OSBPL8: variants seen among roughly 807,000 people sequenced by gnomAD.
The protein encoded by OSBPL8 is oxysterol-binding protein-related protein 8.
A neutral mutation model predicts 125.5 loss-of-function variants in OSBPL8; 59 were observed. That is an observed-to-expected ratio of 0.47 (90% CI 0.38 to 0.58). The LOEUF is 0.58. Among genes scored for constraint, OSBPL8 ranks in the 20% least tolerant of loss-of-function variants. OSBPL8 has a pLI of 0.00. For missense variants in OSBPL8, 758 were observed against 1,047.8 expected (o/e 0.72, Z 3.82); for synonymous variants, 330 against 338.9 (o/e 0.97, Z 0.29).
chr12:76,444,623 A>C (rs1041079592), intron 4 of OSBPL8, among the ~76,000 whole-genome samples: 1 of 152,206 alleles, frequency 6.6e-6, no homozygotes, highest in Non-Finnish European at 1.5e-5. Flanking sequence ...CAGACATACT[A>C]AGAACCTTGA....
chr12:76,359,101 G>T (rs937240163), intron 21 of OSBPL8, among the ~76,000 whole-genome samples: 2 of 151,904 alleles, frequency 1.3e-5, no homozygotes, highest in Admixed American at 1.3e-4. Flanking sequence ...TTATATCCAG[G>T]GATATTATTA....
At chr12:76,518,460 G>A (rs958896545) in intron 1 of OSBPL8, among the ~76,000 whole-genome samples, 2 of 152,160 alleles carry the variant, frequency 1.3e-5, no homozygotes, top group Non-Finnish European at 2.9e-5. Flanking sequence ...GCTAACAGTA[G>A]ATCTACCATT....
chr12:76,448,530 A>G (rs898991284), intron 4 of OSBPL8, among the ~76,000 whole-genome samples: 1 of 152,198 alleles, frequency 6.6e-6, no homozygotes, highest in African/African-American at 2.4e-5. Flanking sequence ...TGTGTATCAT[A>G]TATCGTTTTT....
At chr12:76,556,320 T>G (rs889997134) in intron 1 of OSBPL8, among the ~76,000 whole-genome samples, 3 of 152,050 alleles carry the variant, frequency 2.0e-5, no homozygotes, top group Non-Finnish European at 2.9e-5. Flanking sequence ...GACTAGGATT[T>G]CTTCCCTATA....
intron 9 of OSBPL8, 59 bp downstream of exon 9, chr12:76,394,586 C>G: frequency 8.6e-7 from 1 of 1,163,716 alleles, no homozygotes; most frequent in Admixed American, 2.0e-5. Flanking sequence ...TACAAAGTGG[C>G]ATTAAAAAAA....
At chr12:76,391,401 A>G (rs898877599) in intron 10 of OSBPL8, among the ~76,000 whole-genome samples, 1 of 152,152 alleles carries the variant, frequency 6.6e-6, no homozygotes, top group Non-Finnish European at 1.5e-5. Flanking sequence ...CCATTCCTCT[A>G]TCAGTAGCCC....
intron 8 of OSBPL8, among the ~76,000 whole-genome samples, 195 bp from the exon 9 acceptor site, chr12:76,394,924 C>T (rs749925113): frequency 1.3e-5 from 2 of 152,018 alleles, no homozygotes; most frequent in Non-Finnish European, 2.9e-5. Context: ...AATATATCTC[C>T]TTAGCAGAAA....
chr12:76,550,742 G>T (rs1405508530), intron 1 of OSBPL8, among the ~76,000 whole-genome samples: 1 of 152,160 alleles, frequency 6.6e-6, no homozygotes, highest in African/African-American at 2.4e-5. Flanking sequence ...TGGTTTAGAA[G>T]AAATAATCAC....
intron 4 of OSBPL8, among the ~76,000 whole-genome samples, chr12:76,446,762 C>T (rs1331124216): frequency 6.6e-6 from 1 of 152,014 alleles, no homozygotes; most frequent in Non-Finnish European, 1.5e-5. Flanking sequence ...CATATTAATT[C>T]ATTTTAAACC....
chr12:76,438,154 T>C (rs1337210080), intron 4 of OSBPL8, among the ~76,000 whole-genome samples: 1 of 151,502 alleles, frequency 6.6e-6, no homozygotes, highest in Non-Finnish European at 1.5e-5. Context: ...GCCCAGCTAA[T>C]TTTTTGTATT....
chr12:76,434,133 T>C (rs1487341752), intron 4 of OSBPL8, among the ~76,000 whole-genome samples: 1 of 152,022 alleles, frequency 6.6e-6, no homozygotes, highest in African/African-American at 2.4e-5. Context: ...ATCAAAATGG[T>C]ATAGCATTGG....
At chr12:76,376,211 C>T (rs1476612690) in intron 16 of OSBPL8, among the ~76,000 whole-genome samples, 1 of 152,174 alleles carries the variant, frequency 6.6e-6, no homozygotes, top group Non-Finnish European at 1.5e-5. Flanking sequence ...AAACAAAAAA[C>T]TACAAAATAA....
At chr12:76,369,353 CT>C (rs1166331517) in intron 20 of OSBPL8, 52 bp from the exon 21 acceptor site, 1 of 1,535,074 alleles carries the variant, frequency 6.5e-7, no homozygotes, top group Admixed American at 2.3e-5. Flanking sequence ...AAACAAAGAA[CT>C]TTAAAACTTT....
intron 1 of OSBPL8, among the ~76,000 whole-genome samples, chr12:76,536,674 G>A (rs1950507759): frequency 6.6e-6 from 1 of 152,060 alleles, no homozygotes; most frequent in African/African-American, 2.4e-5. Context: ...AAAGAGAAAA[G>A]GAAATGGGTG....
chr12:76,485,616 T>C (rs952286483), intron 2 of OSBPL8, among the ~76,000 whole-genome samples: 4 of 152,322 alleles, frequency 2.6e-5, no homozygotes, highest in South Asian at 4.1e-4. Flanking sequence ...CTTGGATACA[T>C]ACTTTGAAAA....
chr12:76,372,019 T>C (rs117831028), intron 18 of OSBPL8, among the ~76,000 whole-genome samples: 689 of 152,264 alleles, frequency 4.5e-3, no homozygotes, highest in Non-Finnish European at 7.7e-3. Flanking sequence ...GCATTAAAAA[T>C]TTGAGGTCTA....
At chr12:76,557,563 C>T (rs1951143480) in intron 1 of OSBPL8, among the ~76,000 whole-genome samples, 1 of 150,112 alleles carries the variant, frequency 6.7e-6, no homozygotes, top group South Asian at 2.1e-4. Context: ...TGCAGTGAGC[C>T]AAGTTGCACC....
intron 2 of OSBPL8, among the ~76,000 whole-genome samples, chr12:76,461,510 G>GTTTT (rs1874729402): frequency 1.3e-5 from 2 of 152,124 alleles, no homozygotes; most frequent in African/African-American, 2.4e-5. Context: ...GAGTGCAGTG[G>GTTTT]TGTGATCTCG....
intron 2 of OSBPL8, among the ~76,000 whole-genome samples, chr12:76,483,954 C>T (rs531568345): frequency 1.3e-5 from 2 of 152,068 alleles, no homozygotes; most frequent in South Asian, 2.1e-4. Context: ...AGATTACAGG[C>T]GTGAGCCACT....
Sources: gnomAD v4.1 joint callset for allele counts (sites outside exome capture counted in the v4.1 genomes callset) on GRCh38, gnomAD v4.1.1 for gene constraint, MANE v1.5 for transcripts, NCBI Gene and HGNC (gene_info 2026-07-23, HGNC 2026-07-21) for gene names.